EPDR1: variants seen among roughly 807,000 people sequenced by gnomAD.
The protein encoded by EPDR1 is mammalian ependymin-related protein 1.
Under a neutral mutation model 23.7 loss-of-function variants are expected in EPDR1, and 27 were observed. The observed-to-expected ratio is 1.14, with a 90% CI of 0.84 to 1.57. The LOEUF is 1.57. EPDR1 is among the 40% of genes most tolerant of loss of function. EPDR1 has a pLI of 0.00. For missense variants in EPDR1, 349 were observed against 290.4 expected, an observed-to-expected ratio of 1.20 and a Z score of -1.47; for synonymous variants, 137 against 118.2, an observed-to-expected ratio of 1.16 and a Z score of -1.03.
At chr7:37,930,579 C>G (rs1785916319) in intron 1 of EPDR1, among the ~76,000 whole-genome samples, 1 of 152,172 alleles carries the variant, frequency 6.6e-6, no homozygotes, top group Admixed American at 6.5e-5. Flanking sequence ...CACACCCTGT[C>G]CTTTTGAATA....
intron 1 of EPDR1, among the ~76,000 whole-genome samples, chr7:37,942,021 T>A (rs957452063): frequency 6.6e-6 from 1 of 152,128 alleles, no homozygotes; most frequent in Admixed American, 6.5e-5. Flanking sequence ...ATTAGAAAAA[T>A]TAGATTTATC....
intron 1 of EPDR1, among the ~76,000 whole-genome samples, chr7:37,939,798 G>T (rs1164984351): frequency 2.0e-5 from 3 of 152,144 alleles, no homozygotes; most frequent in African/African-American, 7.2e-5. Context: ...TTGACAACAT[G>T]CTCTGTTGGC....
At chr7:37,949,894 C>T (rs1786360785) in intron 2 of EPDR1, among the ~76,000 whole-genome samples, 1 of 152,186 alleles carries the variant, frequency 6.6e-6, no homozygotes, top group African/African-American at 2.4e-5. Flanking sequence ...ATCCCACTTA[C>T]ATGAGGTATG....
At chr7:37,938,936 A>G (rs1709023864) in intron 1 of EPDR1, among the ~76,000 whole-genome samples, 1 of 151,682 alleles carries the variant, frequency 6.6e-6, no homozygotes, top group African/African-American at 2.4e-5. Flanking sequence ...AATTGTCTGT[A>G]CAATTGTCCT....
At chr7:37,942,662 A>G (rs1216826309) in intron 1 of EPDR1, among the ~76,000 whole-genome samples, 1 of 152,242 alleles carries the variant, frequency 6.6e-6, no homozygotes, top group Non-Finnish European at 1.5e-5. Flanking sequence ...AGAAGAATAT[A>G]TGTCCAGACA....
At chr7:37,948,055 G>A (rs1243960926) in intron 1 of EPDR1, among the ~76,000 whole-genome samples, 4 of 152,228 alleles carry the variant, frequency 2.6e-5, no homozygotes, top group African/African-American at 9.6e-5. Flanking sequence ...ACTCATGACT[G>A]CTCGGCAGTG....
intron 1 of EPDR1, among the ~76,000 whole-genome samples, chr7:37,943,112 CCA>C (rs1288111098): frequency 6.6e-6 from 1 of 152,220 alleles, no homozygotes; most frequent in Non-Finnish European, 1.5e-5. Flanking sequence ...CCTGCCCCTC[CCA>C]GTGAACTATG....
chr7:37,942,197 C>T (rs1441696585), intron 1 of EPDR1, among the ~76,000 whole-genome samples: 2 of 151,854 alleles, frequency 1.3e-5, no homozygotes, highest in African/African-American at 4.8e-5. Context: ...TCACAATAGC[C>T]AAAAGTTAGG....
At chr7:37,949,102 G>A in intron 2 of EPDR1, 54 bp downstream of exon 2, 1 of 1,547,410 alleles carries the variant, frequency 6.5e-7, no homozygotes, top group Non-Finnish European at 8.9e-7. Flanking sequence ...TGGGGAAAAA[G>A]GTTTAAGTCC....
intron 1 of EPDR1, among the ~76,000 whole-genome samples, chr7:37,948,399 G>A (rs1200090150): frequency 3.3e-5 from 5 of 150,464 alleles, no homozygotes; most frequent in African/African-American, 9.8e-5. Context: ...TATGTAGTGC[G>A]GTGGCATGAT....
At chr7:37,926,368 A>T (rs1418344649) in intron 1 of EPDR1, among the ~76,000 whole-genome samples, 1 of 151,976 alleles carries the variant, frequency 6.6e-6, no homozygotes, top group African/African-American at 2.4e-5. Context: ...TCTCCTGCAT[A>T]ACCACAATAC....
At chr7:37,921,385 G>A in intron 1 of EPDR1, 177 bp downstream of exon 1, 1 of 1,392,370 alleles carries the variant, frequency 7.2e-7, no homozygotes, top group Middle Eastern at 1.9e-4. Flanking sequence ...GACTGGGAGG[G>A]GCGCTGCGCC....
intron 1 of EPDR1, among the ~76,000 whole-genome samples, chr7:37,940,046 A>C (rs1273687860): frequency 1.3e-5 from 2 of 152,226 alleles, no homozygotes; most frequent in Non-Finnish European, 2.9e-5. Context: ...TATTGGTAGA[A>C]GACTGGCTAA....
intron 1 of EPDR1, among the ~76,000 whole-genome samples, chr7:37,924,679 C>A (rs1785781426): frequency 6.6e-6 from 1 of 152,168 alleles, no homozygotes; most frequent in Admixed American, 6.5e-5. Context: ...TTTCCGAGTT[C>A]TTGGCAAGGT....
At chr7:37,942,547 C>A (rs879631068) in intron 1 of EPDR1, among the ~76,000 whole-genome samples, 15 of 152,120 alleles carry the variant, frequency 9.9e-5, no homozygotes, top group Admixed American at 3.9e-4. Context: ...CTGAACTGTA[C>A]ACTTAAAAAT....
chr7:37,925,561 C>A (rs1785796364), intron 1 of EPDR1, among the ~76,000 whole-genome samples: 1 of 152,156 alleles, frequency 6.6e-6, no homozygotes. Flanking sequence ...TAGCATTAAC[C>A]TCTTTTTTAA....
At chr7:37,934,304 G>T in intron 1 of EPDR1, among the ~76,000 whole-genome samples, 1 of 152,170 alleles carries the variant, frequency 6.6e-6, no homozygotes, top group East Asian at 1.9e-4. Context: ...ATGATGGCTC[G>T]TAGTTCCAAG....
intron 1 of EPDR1, among the ~76,000 whole-genome samples, chr7:37,944,169 G>GA (rs1400661546): frequency 2.0e-5 from 3 of 152,198 alleles, no homozygotes; most frequent in African/African-American, 4.8e-5. Context: ...AAGCATCTCA[G>GA]AAAAAAAGAG....
intron 1 of EPDR1, among the ~76,000 whole-genome samples, chr7:37,944,160 A>G (rs7778151): frequency 2.0e-3 from 309 of 152,338 alleles, no homozygotes; most frequent in African/African-American, 6.4e-3. Context: ...GGGTGCTCCA[A>G]GCATCTCAGA....
Sources: gnomAD v4.1 joint callset for allele counts (sites outside exome capture counted in the v4.1 genomes callset) on GRCh38, gnomAD v4.1.1 for gene constraint, MANE v1.5 for transcripts, NCBI Gene and HGNC (gene_info 2026-07-23, HGNC 2026-07-21) for gene names.